Variants in ERBB4 observed in about 807,000 individuals in gnomAD.
The protein encoded by ERBB4 is erb-b2 receptor tyrosine kinase 4.
In ERBB4, 42 loss-of-function variants were observed where a neutral mutation model predicts 158.0. The ratio of observed to expected loss-of-function variants is 0.27; its 90% CI spans 0.21 to 0.34. The LOEUF (loss-of-function observed/expected upper bound fraction) is 0.34, where lower values mean the gene tolerates loss of function less well. ERBB4 is among the 10% of genes least tolerant of loss of function. The pLI is 1.00. For missense variants in ERBB4, 1,333 were observed against 1,624.1 expected (o/e 0.82, Z 3.08); for synonymous variants, 583 against 558.7 (o/e 1.04, Z -0.61).
At chr2:211,894,561 TAA>T (rs201066895) in intron 3 of ERBB4, among the ~76,000 whole-genome samples, 4 of 149,788 alleles carry the variant, frequency 2.7e-5, no homozygotes, top group African/African-American at 4.9e-5. Flanking sequence ...TAAAGTATAA[TAA>T]AAAAAAAATT....
intron 1 of ERBB4, among the ~76,000 whole-genome samples, chr2:212,413,859 C>T (rs1048121775): frequency 2.0e-5 from 3 of 152,092 alleles, no homozygotes; most frequent in Non-Finnish European, 2.9e-5. Context: ...GTGATTGTTA[C>T]AGAAAAATAA....
rs2062506182 is a variant in ERBB4 at position 211,377,923 on chromosome 2, T to G, written c.*5692A>C. 2 of 232,742 alleles carry G rather than the reference T, an allele frequency of 8.6e-6. No individual in the cohort carries two copies. The highest frequency in any genetic ancestry group is 4.4e-5 in the African/African-American group (2 of 45,288). The allele number at this position is 232,742 out of a possible 1,614,324, so 14.4% of individuals were successfully genotyped here. On this transcript the variant is annotated 3_prime_UTR_variant, in exon 28 of 28. Coordinates refer to ENST00000342788, the MANE Select transcript of ERBB4 (RefSeq NM_005235.3). Reference sequence around the variant, plus strand: ...CTTAAATATTCTCTATGCGGTAGTTTGATAGTTCACTTAAACAGTGTCCAA... The same window carrying G: ...CTTAAATATTCTCTATGCGGTAGTTGGATAGTTCACTTAAACAGTGTCCAA...
intron 1 of ERBB4, among the ~76,000 whole-genome samples, chr2:212,422,339 T>C (rs192509577): frequency 3.9e-5 from 6 of 152,250 alleles, no homozygotes; most frequent in Non-Finnish European, 7.4e-5. Flanking sequence ...ACCCTGTCTC[T>C]ACTAAAAATA....
At chr2:212,076,415 A>G (rs767451068) in intron 2 of ERBB4, among the ~76,000 whole-genome samples, 14 of 151,986 alleles carry the variant, frequency 9.2e-5, no homozygotes, top group Non-Finnish European at 2.1e-4. Context: ...ATTCAATTCA[A>G]TCCAACAGTA....
intron 20 of ERBB4, among the ~76,000 whole-genome samples, chr2:211,511,512 C>T (rs933137852): frequency 6.6e-6 from 1 of 151,606 alleles, no homozygotes; most frequent in African/African-American, 2.4e-5. Context: ...GTGATGTTAC[C>T]CTGAGAAAGC....
intron 1 of ERBB4, among the ~76,000 whole-genome samples, chr2:212,284,887 G>C (rs370018407): frequency 1.3e-5 from 2 of 152,086 alleles, no homozygotes; most frequent in South Asian, 4.1e-4. Context: ...TTGTCCAGAA[G>C]TTCAGTAAGC....
chr2:212,334,501 T>C (rs2088333959), intron 1 of ERBB4, among the ~76,000 whole-genome samples: 1 of 152,042 alleles, frequency 6.6e-6, no homozygotes, highest in Non-Finnish European at 1.5e-5. Context: ...TCCTATAGTA[T>C]CAAGGAATTG....
At chr2:212,354,262 G>A (rs370216201) in intron 1 of ERBB4, among the ~76,000 whole-genome samples, 30 of 152,054 alleles carry the variant, frequency 2.0e-4, no homozygotes, top group Admixed American at 1.3e-4. Flanking sequence ...CTACAGTCAG[G>A]AGCTGGCAGC....
chr2:212,160,042 C>T (rs766648541), intron 1 of ERBB4, among the ~76,000 whole-genome samples: 2 of 151,986 alleles, frequency 1.3e-5, no homozygotes, highest in Admixed American at 6.6e-5. Flanking sequence ...AATGCGTTGT[C>T]TTCAAACTAT....
intron 1 of ERBB4, among the ~76,000 whole-genome samples, chr2:212,513,715 G>C (rs1222411547): frequency 6.6e-6 from 1 of 152,186 alleles, no homozygotes; most frequent in Admixed American, 6.5e-5. Context: ...GGGAGGCTGA[G>C]GCAGGAGAAT....
At chr2:211,827,909 C>T in intron 3 of ERBB4, among the ~76,000 whole-genome samples, 1 of 152,074 alleles carries the variant, frequency 6.6e-6, no homozygotes, top group East Asian at 1.9e-4. Context: ...GGCTATAAGA[C>T]ACATTCATGA....
At chr2:212,192,436 G>A (rs2082302241) in intron 1 of ERBB4, among the ~76,000 whole-genome samples, 1 of 151,796 alleles carries the variant, frequency 6.6e-6, no homozygotes, top group South Asian at 2.1e-4. Context: ...ATCAGCCCAT[G>A]TATATTGAGA....
chr2:211,810,973 C>T (rs1433752508), intron 3 of ERBB4, among the ~76,000 whole-genome samples: 1 of 152,148 alleles, frequency 6.6e-6, no homozygotes, highest in African/African-American at 2.4e-5. Flanking sequence ...CGCGCCTGGC[C>T]CAGTCTCTGT....
chr2:211,576,304 G>A (rs2067890723), intron 19 of ERBB4, among the ~76,000 whole-genome samples: 1 of 152,108 alleles, frequency 6.6e-6, no homozygotes, highest in Non-Finnish European at 1.5e-5. Flanking sequence ...GTGGGAAAAG[G>A]AGTACCTCAT....
intron 1 of ERBB4, among the ~76,000 whole-genome samples, chr2:212,533,150 C>A (rs151116952): frequency 2.6e-5 from 4 of 152,168 alleles, no homozygotes; most frequent in East Asian, 1.9e-4. Flanking sequence ...AATACAAATG[C>A]CTTTGAGTTA....
At chr2:211,520,512 A>C (rs909424493) in intron 20 of ERBB4, among the ~76,000 whole-genome samples, 2 of 152,098 alleles carry the variant, frequency 1.3e-5, no homozygotes, top group Admixed American at 6.5e-5. Flanking sequence ...AGAAGAAAGA[A>C]GAGAAGGGGA....
intron 20 of ERBB4, among the ~76,000 whole-genome samples, chr2:211,512,261 T>C (rs1401750471): frequency 6.6e-6 from 1 of 152,116 alleles, no homozygotes; most frequent in African/African-American, 2.4e-5. Flanking sequence ...CCTGTTCCAC[T>C]TGTAAGACAT....
chr2:211,752,675 G>C (rs2075169787), intron 4 of ERBB4, among the ~76,000 whole-genome samples: 1 of 151,914 alleles, frequency 6.6e-6, no homozygotes, highest in Non-Finnish European at 1.5e-5. Context: ...TCTTATTCTT[G>C]AAATTCCAAT....
At chr2:211,877,963 C>T (rs971734345) in intron 3 of ERBB4, among the ~76,000 whole-genome samples, 2 of 152,018 alleles carry the variant, frequency 1.3e-5, no homozygotes, top group South Asian at 4.1e-4. Flanking sequence ...CAAAAATTAG[C>T]GTGGCATGGT....
Sources: allele counts gnomAD v4.1 joint callset (sites outside exome capture counted in the v4.1 genomes callset), GRCh38; gene constraint gnomAD v4.1.1; transcripts MANE v1.5; gene names NCBI Gene and HGNC (gene_info 2026-07-23, HGNC 2026-07-21).